Variants in MTDH observed in about 807,000 individuals in gnomAD.
The protein encoded by MTDH is metadherin, also known as protein LYRIC.
In MTDH, 34 loss-of-function variants were observed where a neutral mutation model predicts 72.7. The observed-to-expected ratio is 0.47, with a 90% CI of 0.36 to 0.62. The LOEUF (loss-of-function observed/expected upper bound fraction) is 0.62. MTDH is among the 20% of genes least tolerant of loss of function. The pLI is 0.00. For missense variants in MTDH, 677 were observed against 699.4 expected (o/e 0.97, Z 0.36); for synonymous variants, 266 against 268.9 (o/e 0.99, Z 0.10).
At chr8:97,692,240 A>G (rs1192965870) in intron 6 of MTDH, among the ~76,000 whole-genome samples, 1 of 152,100 alleles carries the variant, frequency 6.6e-6, no homozygotes, top group African/African-American at 2.4e-5. Context: ...ATGCATGTTT[A>G]TGTCTCCCCT....
At chr8:97,673,946 G>C (rs2130964167) in intron 2 of MTDH, among the ~76,000 whole-genome samples, 1 of 152,272 alleles carries the variant, frequency 6.6e-6, no homozygotes, top group Admixed American at 6.5e-5. Context: ...CTGCACTCCA[G>C]CCTGGTCAAC....
At chr8:97,646,971 T>A (rs1202665411) in intron 1 of MTDH, among the ~76,000 whole-genome samples, 1 of 152,248 alleles carries the variant, frequency 6.6e-6, no homozygotes, top group African/African-American at 2.4e-5. Flanking sequence ...ACTGTTCTGT[T>A]TTTCTTTAAT....
At chr8:97,654,598 C>T (rs948591249) in intron 1 of MTDH, among the ~76,000 whole-genome samples, 4 of 150,694 alleles carry the variant, frequency 2.7e-5, no homozygotes, top group Non-Finnish European at 5.9e-5. Flanking sequence ...GATACATGTG[C>T]GGAATGTGCA....
intron 8 of MTDH, among the ~76,000 whole-genome samples, chr8:97,708,592 T>C (rs1814476378): frequency 3.2e-5 from 1 of 31,342 alleles, no homozygotes. Context: ...TTTTTTTTTT[T>C]TTTTTTTTTT....
At chr8:97,645,724 A>G in intron 1 of MTDH, among the ~76,000 whole-genome samples, 1 of 152,208 alleles carries the variant, frequency 6.6e-6, no homozygotes, top group East Asian at 1.9e-4. Context: ...TTAGGCCTTC[A>G]TGTTTTACGT....
chr8:97,722,389 CAA>C (rs1264561111), intron 10 of MTDH, among the ~76,000 whole-genome samples: 3 of 152,188 alleles, frequency 2.0e-5, no homozygotes, highest in Non-Finnish European at 2.9e-5. Flanking sequence ...ATCACGAAGT[CAA>C]GAGATCGAGA....
At chr8:97,685,236 TATTA>T (rs1210961244) in intron 2 of MTDH, among the ~76,000 whole-genome samples, 10 of 152,152 alleles carry the variant, frequency 6.6e-5, no homozygotes, top group South Asian at 2.1e-4. Flanking sequence ...TAAAGCAGTA[TATTA>T]ATTATACATA....
chr8:97,710,455 C>T (rs1484556088), intron 8 of MTDH, among the ~76,000 whole-genome samples: 1 of 151,720 alleles, frequency 6.6e-6, no homozygotes, highest in African/African-American at 2.4e-5. Flanking sequence ...TTTGGGAGGC[C>T]GAGGTGGGCG....
chr8:97,719,248 A>G, intron 10 of MTDH, 59 bp downstream of exon 10: 2 of 1,561,110 alleles, frequency 1.3e-6, no homozygotes, highest in Non-Finnish European at 1.7e-6. Flanking sequence ...TAATCCCAGC[A>G]CTTTGAGAGG....
At chr8:97,705,804 G>A (rs1388779290) in intron 7 of MTDH, among the ~76,000 whole-genome samples, 2 of 152,208 alleles carry the variant, frequency 1.3e-5, no homozygotes, top group Non-Finnish European at 2.9e-5. Flanking sequence ...AGTATATGAT[G>A]TGCAGGGAGA....
chr8:97,722,923 A>G lies in MTDH; in HGVS notation c.1566A>G (p.Val522=). 6.2e-7 allele frequency: 1 copy of G among 1,614,072 alleles called. No homozygotes were observed. The highest frequency in any genetic ancestry group is 8.5e-7 in the Non-Finnish European group (1 of 1,179,984). The part of the protein sequence containing the change: ...LPPATSTEPS[V]ILSKSDSDKS... ...CTGCTACTTCTACCGAGCCATCTGTAATCTTATCAAAAAGTGATTCTGACA... is the reference window on the plus strand; with the variant it reads ...CTGCTACTTCTACCGAGCCATCTGTGATCTTATCAAAAAGTGATTCTGACA... Residue 522 remains valine (V), a synonymous_variant, in exon 11 of 12, where the codon GTA becomes GTG. Transcript: ENST00000336273.
chr8:97,668,864 C>T (rs974292904), intron 2 of MTDH, among the ~76,000 whole-genome samples: 1 of 151,722 alleles, frequency 6.6e-6, no homozygotes, highest in Non-Finnish European at 1.5e-5. Context: ...CATGTAACAA[C>T]TTTTATAAAG....
At chr8:97,719,287 G>C in intron 10 of MTDH, 98 bp downstream of exon 10, 8 of 1,259,092 alleles carry the variant, frequency 6.4e-6, no homozygotes, top group Non-Finnish European at 8.8e-6. Context: ...GAGGTCAGGA[G>C]TTCAAGAGCA....
At chr8:97,663,514 C>T (rs534513331) in intron 2 of MTDH, among the ~76,000 whole-genome samples, 4 of 151,318 alleles carry the variant, frequency 2.6e-5, no homozygotes, top group East Asian at 2.0e-4. Context: ...TTTGGGAGGC[C>T]GAGGCGGGCA....
chr8:97,674,161 A>G (rs1264349087), intron 2 of MTDH, among the ~76,000 whole-genome samples: 1 of 152,116 alleles, frequency 6.6e-6, no homozygotes, highest in Admixed American at 6.6e-5. Flanking sequence ...TCTGAAAAGA[A>G]CAAAAATGAG....
At chr8:97,659,073 G>A (rs1404379113) in intron 1 of MTDH, among the ~76,000 whole-genome samples, 1 of 151,910 alleles carries the variant, frequency 6.6e-6, no homozygotes. Flanking sequence ...AATCCAGGAG[G>A]CAGAGCTTGC....
intron 2 of MTDH, among the ~76,000 whole-genome samples, chr8:97,683,747 C>T (rs1031458256): frequency 2.0e-5 from 3 of 152,088 alleles, no homozygotes; most frequent in African/African-American, 7.2e-5. Flanking sequence ...GGGATACCTA[C>T]TTTAGTTCCT....
chr8:97,686,562 AT>A (rs895198628), intron 2 of MTDH, 105 bp from the exon 3 acceptor site: 1,198 of 553,804 alleles, frequency 2.2e-3, no homozygotes, highest in South Asian at 2.6e-3. Context: ...TCAAACATTA[AT>A]TTTTTTTTAG....
intron 11 of MTDH, among the ~76,000 whole-genome samples, chr8:97,723,710 T>C (rs1015459631): frequency 6.6e-6 from 1 of 151,456 alleles, no homozygotes; most frequent in Non-Finnish European, 1.5e-5. Context: ...GCCACTGCAC[T>C]CCAACCTGGG....
Sources: gnomAD v4.1 joint callset for allele counts (sites outside exome capture counted in the v4.1 genomes callset) on GRCh38, gnomAD v4.1.1 for gene constraint, MANE v1.5 for transcripts, NCBI Gene and HGNC (gene_info 2026-07-23, HGNC 2026-07-21) for gene names.